DEPTOR: variants seen among roughly 807,000 people sequenced by gnomAD.
DEPTOR encodes DEP domain-containing mTOR-interacting protein.
DEPTOR carries 41 observed loss-of-function variants against 41.6 expected under a neutral mutation model. The ratio of observed to expected loss-of-function variants is 0.98; its 90% CI spans 0.77 to 1.28. DEPTOR has a LOEUF of 1.28. DEPTOR is among the 50% of genes most tolerant of loss of function. The pLI is 0.00. For synonymous variants in DEPTOR, 195 were observed against 192.3 expected (o/e 1.01, Z -0.12); for missense variants, 514 against 527.9 (o/e 0.97, Z 0.26).
chr8:119,893,215 A>T (rs564703141), intron 1 of DEPTOR, among the ~76,000 whole-genome samples: 1 of 152,292 alleles, frequency 6.6e-6, no homozygotes, highest in South Asian at 2.1e-4. Flanking sequence ...ACAAAAAGTT[A>T]TTTGATTATT....
intron 1 of DEPTOR, among the ~76,000 whole-genome samples, chr8:119,891,567 G>A (rs767834428): frequency 6.6e-6 from 1 of 151,988 alleles, no homozygotes; most frequent in Non-Finnish European, 1.5e-5. Context: ...CCTCCTCACC[G>A]TGAGGACGGC....
intron 1 of DEPTOR, among the ~76,000 whole-genome samples, chr8:119,905,297 G>A (rs899125021): frequency 6.6e-6 from 1 of 152,176 alleles, no homozygotes; most frequent in Admixed American, 6.6e-5. Context: ...TTCTGCAATA[G>A]AAGGATGTGC....
chr8:120,025,004 A>G (rs1812777701), intron 8 of DEPTOR, among the ~76,000 whole-genome samples: 1 of 152,148 alleles, frequency 6.6e-6, no homozygotes, highest in Admixed American at 6.6e-5. Flanking sequence ...ATTACCTACC[A>G]CATATAGTAC....
chr8:119,886,119 C>T (rs1827360639), intron 1 of DEPTOR, among the ~76,000 whole-genome samples: 1 of 152,094 alleles, frequency 6.6e-6, no homozygotes, highest in African/African-American at 2.4e-5. Context: ...CTGTTGCCTC[C>T]TATAAGTGGA....
chr8:120,044,498 T>C (rs1389811647), intron 8 of DEPTOR, among the ~76,000 whole-genome samples: 1 of 152,184 alleles, frequency 6.6e-6, no homozygotes, highest in Admixed American at 6.5e-5. Context: ...AAATGAACTT[T>C]CCTGTGTTAC....
intron 4 of DEPTOR, among the ~76,000 whole-genome samples, chr8:119,993,768 AT>A (rs554849570): frequency 0.045 from 6,550 of 147,092 alleles, 222 homozygotes; most frequent in African/African-American, 0.096. Flanking sequence ...CATATCATGG[AT>A]TTTTTTTTTT....
At chr8:119,946,202 AC>A (rs1237059876) in intron 3 of DEPTOR, among the ~76,000 whole-genome samples, 4 of 152,220 alleles carry the variant, frequency 2.6e-5, no homozygotes, top group Non-Finnish European at 4.4e-5. Flanking sequence ...TTGACAAAAA[AC>A]ATTTAATAAT....
At chr8:120,025,552 T>C (rs1487975734) in intron 8 of DEPTOR, among the ~76,000 whole-genome samples, 1 of 152,192 alleles carries the variant, frequency 6.6e-6, no homozygotes, top group Non-Finnish European at 1.5e-5. Context: ...TTTTGCACAT[T>C]CCTGTTCCTC....
In DEPTOR at chr8:120,001,531, A is replaced by AAG; in HGVS notation, c.611_612insAG (p.Asn204LysfsTer17). ...TTTTTTTTTTTCTCCCCAGTGTCCA[A>AAG]CAAGCACCCATTTGTGGACAGCAAT... On this transcript the variant is annotated frameshift_variant, in exon 5 of 9. Transcript: ENST00000286234. LOFTEE classifies it high-confidence loss of function. 1.2e-6 allele frequency: 2 copies of AAG among 1,607,258 alleles called. No individual in the cohort carries two copies. Among genetic ancestry groups the AAG allele is most frequent in the Admixed American group, 3.4e-5 (2 of 59,280 alleles).
At position 119,956,353 on chromosome 8, in the gene DEPTOR, A is replaced by G. The variant is rs545223599; in HGVS notation, c.426-8879A>G. ...AAGGAAGCGCTAAGGCTGGTGGAGC[A>G]TGTTGTAAATGGCAAGTTGATCCAA... On this transcript the variant is annotated intron_variant, in intron 3 of 8. Coordinates refer to ENST00000286234, the MANE Select transcript of DEPTOR (RefSeq NM_022783.4). Among the ~76,000 whole-genome samples, 3 of 152,326 alleles carry G rather than the reference A, an allele frequency of 2.0e-5. No homozygotes were observed. In the East Asian group the frequency reaches 5.8e-4, roughly 29 times the overall value.
chr8:119,955,624 G>A (rs555317679), intron 3 of DEPTOR, among the ~76,000 whole-genome samples: 9 of 152,056 alleles, frequency 5.9e-5, no homozygotes, highest in East Asian at 1.9e-4. Context: ...GTGCCACCAC[G>A]CCCAGCTAAT....
At chr8:119,928,744 T>C (rs1828001333) in intron 2 of DEPTOR, among the ~76,000 whole-genome samples, 166 bp downstream of exon 2, 1 of 40,276 alleles carries the variant, frequency 2.5e-5, no homozygotes, top group Non-Finnish European at 5.1e-5. Context: ...GGGTTCTTTC[T>C]TTTTTTTTTT....
intron 1 of DEPTOR, among the ~76,000 whole-genome samples, chr8:119,923,675 C>T (rs1030071851): frequency 2.6e-5 from 4 of 151,916 alleles, no homozygotes; most frequent in Non-Finnish European, 5.9e-5. Context: ...ATTTATTTTC[C>T]AAGATCTATA....
chr8:119,939,999 C>T (rs373158688), intron 3 of DEPTOR, among the ~76,000 whole-genome samples: 2 of 151,824 alleles, frequency 1.3e-5, no homozygotes, highest in African/African-American at 2.4e-5. Flanking sequence ...AGGCAGATCA[C>T]CTGAGGTTGG....
At chr8:119,930,292 A>G (rs1225435509) in intron 3 of DEPTOR, among the ~76,000 whole-genome samples, 1 of 152,072 alleles carries the variant, frequency 6.6e-6, no homozygotes, top group Non-Finnish European at 1.5e-5. Context: ...GCTGGAGTGC[A>G]GTGGCATGAT....
chr8:119,889,596 G>T (rs185818958), intron 1 of DEPTOR, among the ~76,000 whole-genome samples: 1,264 of 103,798 alleles, frequency 0.012, 50 homozygotes, highest in African/African-American at 0.043. Context: ...GAGAAGGGGT[G>T]GGGAGGTGGG....
chr8:119,967,835 T>C (rs1451717265), intron 4 of DEPTOR, among the ~76,000 whole-genome samples: 1 of 151,752 alleles, frequency 6.6e-6, no homozygotes, highest in African/African-American at 2.4e-5. Context: ...CATAGGGACA[T>C]ATGCAGGTGT....
At chr8:119,941,066 A>C (rs1251013656) in intron 3 of DEPTOR, among the ~76,000 whole-genome samples, 1 of 152,076 alleles carries the variant, frequency 6.6e-6, no homozygotes, top group East Asian at 1.9e-4. Context: ...ACTTCGTGCT[A>C]CTGAACTTAA....
intron 3 of DEPTOR, among the ~76,000 whole-genome samples, chr8:119,963,876 T>G (rs1828522350): frequency 6.6e-6 from 1 of 152,156 alleles, no homozygotes; most frequent in South Asian, 2.1e-4. Context: ...TCGTCTTAGT[T>G]CAGGCTACTG....
Sources: gnomAD v4.1 joint callset for allele counts (sites outside exome capture counted in the v4.1 genomes callset) on GRCh38, gnomAD v4.1.1 for gene constraint, MANE v1.5 for transcripts, NCBI Gene and HGNC (gene_info 2026-07-23, HGNC 2026-07-21) for gene names.